The following AFF2 variants were observed in gnomAD, a reference collection of about 807,000 sequenced individuals.
AFF2 encodes the protein ALF transcription elongation factor 2, also known as AF4/FMR2 family member 2.
Under a neutral mutation model 76.9 loss-of-function variants are expected in AFF2, and 14 were observed. That is an observed-to-expected ratio of 0.18 (90% CI 0.12 to 0.28). The LOEUF (loss-of-function observed/expected upper bound fraction) is 0.28, where lower values mean the gene tolerates loss of function less well. Ranked by LOEUF, AFF2 falls within the 10% of genes least tolerant of loss-of-function variation. The pLI, the probability that AFF2 is intolerant of heterozygous loss-of-function variation, is 1.00. For missense variants in AFF2, 868 were observed against 1,001.1 expected (o/e 0.87, Z 1.79); for synonymous variants, 398 against 366.7 (o/e 1.09, Z -0.98).
chrX:148,739,480 G>A (rs2055324409), intron 3 of AFF2, among the ~76,000 whole-genome samples: 1 of 111,419 alleles, frequency 9.0e-6, no homozygotes, highest in African/African-American at 3.3e-5. Flanking sequence ...CCATTTGCAT[G>A]AAATGCCTTT....
At chrX:148,573,563 G>T (rs1055462765) in intron 1 of AFF2, among the ~76,000 whole-genome samples, 1 of 110,588 alleles carries the variant, frequency 9.0e-6, no homozygotes, top group Admixed American at 9.6e-5. Flanking sequence ...GAATCTGTTT[G>T]CATTGGACAT....
intron 3 of AFF2, among the ~76,000 whole-genome samples, chrX:148,676,002 C>T (rs1321824165): frequency 9.1e-6 from 1 of 110,381 alleles, no homozygotes; most frequent in Non-Finnish European, 1.9e-5. Flanking sequence ...TTTTAAAAAC[C>T]TAGTGTAACA....
intron 1 of AFF2, among the ~76,000 whole-genome samples, chrX:148,529,555 A>G (rs782688557): frequency 8.9e-6 from 1 of 112,266 alleles, no homozygotes; most frequent in East Asian, 2.8e-4. Flanking sequence ...TAAGCTTGAG[A>G]AAGTGATAAA....
At chrX:148,857,610 G>A (rs1557276031) in intron 7 of AFF2, among the ~76,000 whole-genome samples, 1 of 111,551 alleles carries the variant, frequency 9.0e-6, no homozygotes, top group Non-Finnish European at 1.9e-5. Context: ...GCCTGAAACT[G>A]CAGGTCAAAT....
intron 10 of AFF2, among the ~76,000 whole-genome samples, chrX:148,955,088 C>T (rs1470345809): frequency 1.8e-5 from 2 of 112,644 alleles, no homozygotes; most frequent in Non-Finnish European, 3.7e-5. Flanking sequence ...ATACAAAAGG[C>T]CTGATTTGTT....
At chrX:148,787,092 A>C (rs1281968545) in intron 3 of AFF2, among the ~76,000 whole-genome samples, 1 of 112,586 alleles carries the variant, frequency 8.9e-6, no homozygotes, top group Non-Finnish European at 1.9e-5. Context: ...ACGAACAAAT[A>C]ATGTCTGTAG....
chrX:148,831,301 GA>G (rs1230821039), intron 4 of AFF2, among the ~76,000 whole-genome samples: 1 of 112,268 alleles, frequency 8.9e-6, no homozygotes, highest in African/African-American at 3.2e-5. Flanking sequence ...TTAAAGTAAA[GA>G]CAGGCATAGG....
At chrX:148,830,042 T>G (rs1363343177) in intron 4 of AFF2, among the ~76,000 whole-genome samples, 1 of 112,339 alleles carries the variant, frequency 8.9e-6, no homozygotes, top group Non-Finnish European at 1.9e-5. Context: ...AGATGAGCTT[T>G]CCAAGCTCTT....
At chrX:148,661,708 A>C (rs1461862528) in intron 2 of AFF2, among the ~76,000 whole-genome samples, 200 bp from the exon 3 acceptor site, 1 of 112,094 alleles carries the variant, frequency 8.9e-6, no homozygotes, top group Non-Finnish European at 1.9e-5. Context: ...ATACCCGCTC[A>C]TTCCAGAAGC....
chrX:148,857,731 C>T (rs2070802724), intron 7 of AFF2, among the ~76,000 whole-genome samples: 2 of 67,127 alleles, frequency 3.0e-5, no homozygotes, highest in Admixed American at 4.0e-4. Flanking sequence ...AAGAGCAACT[C>T]TCTTGAAAAC....
At position 148,987,449 on chromosome X, in the gene AFF2, C is replaced by A; in HGVS notation, c.3706C>A (p.Pro1236Thr). ...CTGTAACAATGGCCCAGTCACCATTCCCCAGCGCATTCACCACATGGCTGC... is the reference window on the plus strand; with the variant it reads ...CTGTAACAATGGCCCAGTCACCATTACCCAGCGCATTCACCACATGGCTGC... ...GNCNNGPVTIPQRIHHMAASH... is the reference protein window; with the variant it reads ...GNCNNGPVTITQRIHHMAASH... The change falls in exon 20 of 21, where the codon CCC becomes ACC. Residue 1236 changes from proline (P) to threonine (T), a missense_variant. Transcript: ENST00000370460. 8.3e-7 allele frequency: 1 copy of A among 1,211,129 alleles called. No individual in the cohort carries two copies. Among genetic ancestry groups the A allele is most frequent in the Non-Finnish European group, 1.1e-6 (1 of 894,881 alleles).
chrX:148,892,811 T>C (rs1557279920), intron 8 of AFF2, among the ~76,000 whole-genome samples: 1 of 111,838 alleles, frequency 8.9e-6, no homozygotes. Flanking sequence ...TCCCTCGTCA[T>C]ACTGAACAAG....
chrX:148,505,241 G>A (rs1483493963), intron 1 of AFF2, among the ~76,000 whole-genome samples: 1 of 111,405 alleles, frequency 9.0e-6, no homozygotes, highest in South Asian at 3.8e-4. Flanking sequence ...CACTAGTAAG[G>A]TCTCCTCCGC....
chrX:148,662,944 C>T (rs241109), intron 3 of AFF2, among the ~76,000 whole-genome samples, 176 bp downstream of exon 3: 50 of 111,048 alleles, frequency 4.5e-4, no homozygotes, highest in Non-Finnish European at 8.3e-4. Flanking sequence ...CTGATTAACA[C>T]GCTGCAAATA....
intron 3 of AFF2, among the ~76,000 whole-genome samples, chrX:148,798,813 G>A (rs782387623): frequency 1.1e-4 from 12 of 112,031 alleles, no homozygotes; most frequent in African/African-American, 3.9e-4. Context: ...CTCCTTCTTT[G>A]ATCTTCAGCA....
At chrX:148,913,641 G>A (rs6641473) in intron 9 of AFF2, among the ~76,000 whole-genome samples, 6 of 111,756 alleles carry the variant, frequency 5.4e-5, no homozygotes, top group African/African-American at 1.9e-4. Context: ...CAGCAAATGT[G>A]GAATTAAACC....
At chrX:148,796,718 G>A (rs1266764728) in intron 3 of AFF2, among the ~76,000 whole-genome samples, 2 of 112,129 alleles carry the variant, frequency 1.8e-5, no homozygotes, top group African/African-American at 6.5e-5. Context: ...TGGTCTCAGT[G>A]TATTGCCAAA....
intron 3 of AFF2, among the ~76,000 whole-genome samples, chrX:148,797,425 A>G (rs1436988570): frequency 1.8e-5 from 2 of 112,163 alleles, no homozygotes; most frequent in African/African-American, 6.5e-5. Flanking sequence ...AAAGTGTTAC[A>G]TATAGATGTC....
chrX:148,863,865 A>C (rs971180470), intron 7 of AFF2, among the ~76,000 whole-genome samples: 7 of 111,869 alleles, frequency 6.3e-5, no homozygotes, highest in Non-Finnish European at 1.3e-4. Context: ...GATAAATTAA[A>C]TTCTTAGAAG....
Sources: gnomAD v4.1 joint callset for allele counts (sites outside exome capture counted in the v4.1 genomes callset) on GRCh38, gnomAD v4.1.1 for gene constraint, MANE v1.5 for transcripts, NCBI Gene and HGNC (gene_info 2026-07-23, HGNC 2026-07-21) for gene names.